CUL9: variants seen among roughly 807,000 people sequenced by gnomAD.
The protein encoded by CUL9 is cullin 9.
CUL9 carries 79 observed loss-of-function variants against 272.6 expected under a neutral mutation model. That is an observed-to-expected ratio of 0.29 (90% CI 0.24 to 0.35). The LOEUF (loss-of-function observed/expected upper bound fraction) is 0.35. Among genes scored for constraint, CUL9 ranks in the 10% least tolerant of loss-of-function variants. The probability of loss-of-function intolerance (pLI) is 1.00; values close to 1 mark genes in which losing one functional copy is unlikely to be tolerated. For synonymous variants in CUL9, 1,186 were observed against 1,286.5 expected (o/e 0.92, Z 1.67); for missense variants, 2,532 against 3,255.6 (o/e 0.78, Z 5.41).
chr6:43,208,548 A>G (rs1000271544), intron 26 of CUL9, among the ~76,000 whole-genome samples: 29 of 152,198 alleles, frequency 1.9e-4, no homozygotes, highest in Admixed American at 1.9e-3. Flanking sequence ...GCTAATGGCT[A>G]CTATGATGGA....
At position 43,221,200 on chromosome 6, in the gene CUL9, G is replaced by A. The variant is rs767444352; in HGVS notation, c.6631G>A (p.Asp2211Asn). 5.6e-6 allele frequency: 9 copies of A among 1,611,350 alleles called. No homozygotes were observed. The highest frequency in any genetic ancestry group is 3.3e-5 in the Admixed American group (2 of 59,990). Reference protein sequence around the residue: ...ASCGHMSQWVDDGGYYDGMSV... With the variant: ...ASCGHMSQWVNDGGYYDGMSV... ...CTGTGGCCATATGTCTCAGTGGGTC[G>A]ACGACGGTGGCTACTATGACGGCAT... Residue 2211 changes from aspartate (D) to asparagine (N), a missense_variant, in exon 34 of 41, where the codon GAC becomes AAC. Around this residue, in one of 3 missense-constraint regions of CUL9, gnomAD observed 77 missense variants for 161.1 expected, o/e 0.48. Transcript: ENST00000252050. The surrounding 1 kb of genome is among the most constrained non-coding windows in gnomAD (Gnocchi z 4.2).
At position 43,224,368 on chromosome 6, in the gene CUL9, G is replaced by A. The variant is rs531336710; in HGVS notation, c.7477G>A (p.Asp2493Asn). ...GCTGGACAATGACAGCTTCTCCTACGATGAGTCTGAGAACCTGGACCAAGA... is the reference window on the plus strand; with the variant it reads ...GCTGGACAATGACAGCTTCTCCTACAATGAGTCTGAGAACCTGGACCAAGA... ...EELDNDSFSYDESENLDQETF... is the reference protein window; with the variant it reads ...EELDNDSFSYNESENLDQETF... Residue 2493 changes from aspartate to asparagine, a missense_variant, in exon 41 of 41, where the codon GAT (aspartate) becomes AAT (asparagine). This residue lies in a region of CUL9 where 237 missense variants were observed against 305.9 expected (regional missense o/e 0.77). Transcript: ENST00000252050. The surrounding 1 kb of genome is among the most constrained non-coding windows in gnomAD (Gnocchi z 4.2). 9.3e-6 allele frequency: 15 copies of A among 1,614,224 alleles called. No homozygotes were observed. Among genetic ancestry groups the A allele is most frequent in the East Asian group, 4.5e-5 (2 of 44,888 alleles).
Position 43,224,495 on chromosome 6 carries a change from AG to A in CUL9, c.*55del. 1 of 1,547,100 alleles carries A rather than the reference AG, an allele frequency of 6.5e-7. No individual in the cohort carries two copies. The highest frequency in any genetic ancestry group is 8.8e-7 in the Non-Finnish European group (1 of 1,137,890). On this transcript the variant is annotated 3_prime_UTR_variant, in exon 41 of 41. Transcript: ENST00000252050. This position sits in a 1 kb window ranked among gnomAD's most constrained non-coding sequence, Gnocchi z 4.2. ...GAGCAGCCCCAGAGTCACGGGGCTG[AG>A]GGGGCGGGAGCTGCCCCTGTCATAG...
At position 43,203,505 on chromosome 6, in the gene CUL9, G is replaced by T. The variant is rs369458856; in HGVS notation, c.3938G>T (p.Arg1313Leu). ...WPLFREQLCRRTCLFYTIRAQ... is the reference protein window; with the variant it reads ...WPLFREQLCRLTCLFYTIRAQ... ...CTGTTCCGGGAGCAGCTGTGTCGCC[G>T]AACATGTCTCTTCTACACAATTCGG... The change falls in exon 19 of 41, where the codon CGA becomes CTA. Residue 1313 changes from arginine to leucine, a missense_variant. Arg to Leu is a moderately radical substitution (Grantham distance 102). This residue lies in a region of CUL9 where 2,218 missense variants were observed against 2,788.6 expected (regional missense o/e 0.80). Coordinates refer to ENST00000252050, the MANE Select transcript of CUL9 (RefSeq NM_015089.4). This position sits in a 1 kb window ranked among gnomAD's most constrained non-coding sequence, Gnocchi z 5.0. The T allele has an allele frequency of 6.2e-7, 1 of 1,614,138 alleles. No individual in the cohort carries two copies. The highest frequency in any genetic ancestry group is 1.3e-5 in the African/African-American group (1 of 75,020).
Position 43,223,498 on chromosome 6 carries a change from G to C in CUL9, c.7284+101G>C. The C allele has an allele frequency of 6.9e-7, 1 of 1,448,772 alleles. No individual in the cohort carries two copies. 89.7% of individuals were successfully genotyped at this position (1,448,772 alleles called of 1,614,324 possible). A position where few individuals can be genotyped will look rare whatever the true frequency, so the allele number is the denominator to read the frequency against. On this transcript the variant is annotated intron_variant, in intron 39 of 40. Transcript: ENST00000252050. The surrounding 1 kb of genome is among the most constrained non-coding windows in gnomAD (Gnocchi z 4.1). ...GCCCTGGGGCGAGTCCAGAAGGAAA[G>C]GCAGCAAAGCGGGTGAATGGATGTT...
At position 43,186,394 on chromosome 6, in the gene CUL9, A is replaced by T. The variant is rs1265107169; in HGVS notation, c.1190A>T (p.Glu397Val). ...GTGCGGATGCTGGATGATTATGAGGAGATCAGTGCTGGGGACGAGGGCGAG... is the reference window on the plus strand; with the variant it reads ...GTGCGGATGCTGGATGATTATGAGGTGATCAGTGCTGGGGACGAGGGCGAG... ...MRVRMLDDYE[E>V]ISAGDEGEFR... is the part of the protein sequence containing the mutation. Residue 397 changes from glutamate (E) to valine (V), a missense_variant, in exon 4 of 41, where the codon GAG (glutamate) becomes GTG (valine). Coordinates refer to ENST00000252050, the MANE Select transcript of CUL9 (RefSeq NM_015089.4). The T allele has an allele frequency of 6.2e-7, 1 of 1,612,408 alleles. No homozygotes were observed. Among genetic ancestry groups the T allele is most frequent in the South Asian group, 1.1e-5 (1 of 91,024 alleles).
chr6:43,209,812 A>ATT (rs1032110364), intron 26 of CUL9, among the ~76,000 whole-genome samples: 2 of 151,132 alleles, frequency 1.3e-5, no homozygotes. Context: ...CACCTGGCTA[A>ATT]TTTTTTTGTA....
intron 7 of CUL9, 48 bp from the exon 8 acceptor site, chr6:43,188,475 C>A (rs201119807): frequency 1.3e-6 from 2 of 1,516,158 alleles, no homozygotes; most frequent in East Asian, 2.3e-5. Flanking sequence ...CTTCTAACTT[C>A]AAGGTGCCAC....
chr6:43,188,747 T>C (rs1773152660), intron 8 of CUL9, 32 bp downstream of exon 8: 1 of 1,542,678 alleles, frequency 6.5e-7, no homozygotes, highest in Non-Finnish European at 8.8e-7. Context: ...GAGGTTTTGG[T>C]TGAAGCTGTA....
Position 43,205,405 on chromosome 6 carries a change from C to T in CUL9, c.4775C>T (p.Thr1592Ile). ...MVLSGLELAT[T>I]FEHFYQHYMA... ...CTTTCTGGTCTGGAACTGGCCACAA[C>T]TTTTGAGCACTTCTATCAGTGAGTG... The change falls in exon 24 of 41, where the codon ACT (threonine) becomes ATT (isoleucine). Residue 1592 changes from threonine (T) to isoleucine (I), a missense_variant. Coordinates refer to ENST00000252050, the MANE Select transcript of CUL9 (RefSeq NM_015089.4). The T allele has an allele frequency of 3.7e-6, 6 of 1,614,024 alleles. No homozygotes were observed. Among genetic ancestry groups the T allele is most frequent in the Non-Finnish European group, 5.1e-6 (6 of 1,179,936 alleles).
Position 43,221,359 on chromosome 6 carries a change from G to A in CUL9, c.6752+38G>A. 7.2e-7 allele frequency: 1 copy of A among 1,380,494 alleles called. No individual in the cohort carries two copies. The highest frequency in any genetic ancestry group is 9.9e-7 in the Non-Finnish European group (1 of 1,009,788). 85.5% of individuals were successfully genotyped at this position (1,380,494 alleles called of 1,614,324 possible). ...GTACTGTGGGGAGCCAGAGGGCAAG[G>A]AGGGGGGAGGAGGCCTGGCAGAAGG... is the stretch of plus-strand genomic sequence containing the variant. On this transcript the variant is annotated intron_variant, in intron 34 of 40. Coordinates refer to ENST00000252050, the MANE Select transcript of CUL9 (RefSeq NM_015089.4). This position sits in a 1 kb window ranked among gnomAD's most constrained non-coding sequence, Gnocchi z 4.2.
chr6:43,217,986 G>A (rs1453549921), intron 31 of CUL9, among the ~76,000 whole-genome samples: 2 of 152,116 alleles, frequency 1.3e-5, no homozygotes, highest in Admixed American at 6.6e-5. Flanking sequence ...ATGACAGAGG[G>A]AGACACTCAG....
At position 43,219,190 on chromosome 6, in the gene CUL9, AAG is replaced by A. The variant is rs141684867; in HGVS notation, c.6283-1249_6283-1248del. Among the ~76,000 whole-genome samples, 641 of 149,608 alleles carry A rather than the reference AAG, an allele frequency of 4.3e-3. 7 individuals carry two copies. Among genetic ancestry groups the A allele is most frequent in the Non-Finnish European group, 6.2e-3 (417 of 67,152 alleles). On this transcript the variant is annotated intron_variant, in intron 31 of 40. Coordinates refer to ENST00000252050, the MANE Select transcript of CUL9 (RefSeq NM_015089.4). ...GGTGACAAAGCGAGACTTTGTTTAA[AAG>A]AGAGAGAGAGAGAGAGAGACAAGGG...
At chr6:43,209,749 G>A (rs1775328830) in intron 26 of CUL9, among the ~76,000 whole-genome samples, 1 of 151,748 alleles carries the variant, frequency 6.6e-6, no homozygotes. Context: ...GGGTTCAAGT[G>A]ATTCTCCTGC....
rs1315074942 is a variant in CUL9 at position 43,198,498 on chromosome 6, C to T, written c.2804-111C>T. On this transcript the variant is annotated intron_variant, in intron 11 of 40. Coordinates refer to ENST00000252050, the MANE Select transcript of CUL9 (RefSeq NM_015089.4). ...TTTGGTTAAAAACTATAGACATCCTCAATATAGAAGGAAAATTTTGGGGTG... is the reference window on the plus strand; with the variant it reads ...TTTGGTTAAAAACTATAGACATCCTTAATATAGAAGGAAAATTTTGGGGTG... 3 of 1,526,674 alleles carry T rather than the reference C, an allele frequency of 2.0e-6. No individual in the cohort carries two copies. In the African/African-American group the frequency reaches 4.1e-5, roughly 21 times the overall value. The allele number at this position is 1,526,674 out of a possible 1,614,324, so 94.6% of individuals were successfully genotyped here. A position where few individuals can be genotyped will look rare whatever the true frequency, so the allele number is the denominator to read the frequency against.
At chr6:43,191,289 T>TGTGC in intron 8 of CUL9, among the ~76,000 whole-genome samples, 1 of 148,040 alleles carries the variant, frequency 6.8e-6, no homozygotes, top group East Asian at 1.9e-4. Flanking sequence ...TGTGTGTGTG[T>TGTGC]GTGCGTGTTG....
At chr6:43,222,284 A>ACCCT in intron 35 of CUL9, 32 bp from the exon 36 acceptor site, 1 of 1,598,168 alleles carries the variant, frequency 6.3e-7, no homozygotes, top group Non-Finnish European at 8.6e-7. Flanking sequence ...CAAACAAAAC[A>ACCCT]CCCAATAGCC....
In CUL9 at chr6:43,223,545, C is replaced by A; in HGVS notation, c.7284+148C>A. ...TGTTAGACCTGGGCGCACATCCCGGCTTTTGGGCCAACCTGCCTGATGCTG... is the reference window on the plus strand; with the variant it reads ...TGTTAGACCTGGGCGCACATCCCGGATTTTGGGCCAACCTGCCTGATGCTG... On this transcript the variant is annotated intron_variant, in intron 39 of 40. Coordinates refer to ENST00000252050, the MANE Select transcript of CUL9 (RefSeq NM_015089.4). The surrounding 1 kb of genome is among the most constrained non-coding windows in gnomAD (Gnocchi z 4.1). 1 of 1,112,036 alleles carries A rather than the reference C, an allele frequency of 9.0e-7. No homozygotes were observed. 68.9% of individuals were successfully genotyped at this position (1,112,036 alleles called of 1,614,324 possible).
chr6:43,205,910 C>T, intron 24 of CUL9, 97 bp from the exon 25 acceptor site: 1 of 1,027,290 alleles, frequency 9.7e-7, no homozygotes, highest in Non-Finnish European at 1.5e-6. Context: ...GGGTATGTGA[C>T]TCAGGCAGAG....
Sources: allele counts gnomAD v4.1 joint callset (sites outside exome capture counted in the v4.1 genomes callset), GRCh38; gene constraint gnomAD v4.1.1; regional missense constraint gnomAD v4.1.1; non-coding constraint Gnocchi (gnomAD v3.1); transcripts MANE v1.5; gene names NCBI Gene and HGNC (gene_info 2026-07-23, HGNC 2026-07-21).